PCDHGB1: variants seen among roughly 807,000 people sequenced by gnomAD.
The protein encoded by PCDHGB1 is protocadherin gamma-B1.
Under a neutral mutation model 56.6 loss-of-function variants are expected in PCDHGB1, and 34 were observed. The ratio of observed to expected loss-of-function variants is 0.60; its 90% confidence interval spans 0.46 to 0.80. The LOEUF (loss-of-function observed/expected upper bound fraction) is 0.80. Among genes scored for constraint, PCDHGB1 ranks in the 30% least tolerant of loss-of-function variants. PCDHGB1 has a pLI of 0.00. For synonymous variants in PCDHGB1, 561 were observed against 505.9 expected (o/e 1.11, Z -1.46); for missense variants, 1,278 against 1,204.6 (o/e 1.06, Z -0.90).
At chr5:141,368,374 T>TACACACATACAC (rs1250465847) in intron 1 of PCDHGB1, among the ~76,000 whole-genome samples, 1 of 152,022 alleles carries the variant, frequency 6.6e-6, no homozygotes, top group African/African-American at 2.4e-5. Context: ...CACATATATA[T>TACACACATACAC]ACACACATAC....
Position 141,432,253 on chromosome 5 carries a change from G to A in PCDHGB1, c.2410-62554G>A, listed in dbSNP as rs1193159615. ...CCCTGGCTGAGAACACCATCCAAGGGGCAAGCCTATCGTCCTACGTGTCCA... is the reference window on the plus strand; with the variant it reads ...CCCTGGCTGAGAACACCATCCAAGGAGCAAGCCTATCGTCCTACGTGTCCA... On this transcript the variant is annotated intron_variant, in intron 1 of 3. Coordinates refer to ENST00000523390, the MANE Select transcript of PCDHGB1 (RefSeq NM_018922.3). The surrounding 1 kb of genome is among the most constrained non-coding windows in gnomAD (Gnocchi z 6.0). 2.5e-6 allele frequency: 4 copies of A among 1,614,086 alleles called. No individual in the cohort carries two copies. Among genetic ancestry groups the A allele is most frequent in the Non-Finnish European group, 3.4e-6 (4 of 1,180,046 alleles).
At chr5:141,402,120 T>C (rs17097267) in intron 1 of PCDHGB1, among the ~76,000 whole-genome samples, 16,890 of 152,168 alleles carry the variant, frequency 0.11, 1,101 homozygotes, top group African/African-American at 0.17. Context: ...TGTGAAAATT[T>C]CCAACTTTAA....
chr5:141,367,060 T>C lies in PCDHGB1; in HGVS notation c.2409+14391T>C, dbSNP rs1764930481. 3 of 310,714 alleles carry C rather than the reference T, an allele frequency of 9.7e-6. No individual in the cohort carries two copies. In the Admixed American group the frequency reaches 1.4e-4, roughly 15 times the overall value. 19.2% of individuals were successfully genotyped at this position (310,714 alleles called of 1,614,324 possible). On this transcript the variant is annotated intron_variant, in intron 1 of 3. Coordinates refer to ENST00000523390, the MANE Select transcript of PCDHGB1 (RefSeq NM_018922.3). ...TTCTATTAATAGAAAAGATGTTTTA[T>C]TTATTCAAATTGTTAGATATATTGT...
Position 141,472,217 on chromosome 5 carries a change from C to T in PCDHGB1, c.2410-22590C>T, listed in dbSNP as rs181908144. On this transcript the variant is annotated intron_variant, in intron 1 of 3. Transcript: ENST00000523390. ...CTTTTTGACACTAAGACCTTACTCTCGATCATATAATACATTCACTTTCTA... is the reference window on the plus strand; with the variant it reads ...CTTTTTGACACTAAGACCTTACTCTTGATCATATAATACATTCACTTTCTA... Among the ~76,000 whole-genome samples the T allele has an allele frequency of 3.1e-4, 47 of 152,234 alleles. 1 individual carries two copies. The highest frequency in any genetic ancestry group is 1.1e-3 in the African/African-American group (44 of 41,538).
intron 1 of PCDHGB1, among the ~76,000 whole-genome samples, chr5:141,449,061 A>G (rs1280366583): frequency 1.3e-5 from 2 of 152,190 alleles, no homozygotes; most frequent in Non-Finnish European, 2.9e-5. Context: ...AATGAGCGCT[A>G]TTGAATAGCC....
chr5:141,395,101 C>A (rs1197761808), intron 1 of PCDHGB1: 2 of 1,614,164 alleles, frequency 1.2e-6, no homozygotes, highest in East Asian at 4.5e-5. Context: ...ACCGCCGACT[C>A]GCGGAAGAGT....
intron 3 of PCDHGB1, chr5:141,507,213 G>C (rs1016967764): frequency 6.6e-6 from 1 of 152,558 alleles, no homozygotes; most frequent in African/African-American, 2.4e-5. Context: ...AGGGTTGCCA[G>C]ATAAAATACA....
Position 141,376,287 on chromosome 5 carries a change from T to C in PCDHGB1, c.2409+23618T>C, listed in dbSNP as rs1160372923. 6.2e-6 allele frequency: 10 copies of C among 1,614,110 alleles called. No individual in the cohort carries two copies. In the Admixed American group the frequency reaches 6.7e-5, roughly 11 times the overall value. On this transcript the variant is annotated intron_variant, in intron 1 of 3. Transcript: ENST00000523390. ...GCTTCGGGAGGTGGCTTAGCGAGCA[T>C]GCCCGGCTCGCACTTTGTGGGCGTG...
Position 141,423,275 on chromosome 5 carries a change from C to T in PCDHGB1, c.2409+70606C>T. 1.2e-6 allele frequency: 2 copies of T among 1,614,012 alleles called. No homozygotes were observed. The highest frequency in any genetic ancestry group is 1.7e-6 in the Non-Finnish European group (2 of 1,179,970). ...GACCTCGGCAGCCTCGAGTCTCTGGCTAACTCTGAAACCTCAGACCTCTCG... is the reference window on the plus strand; with the variant it reads ...GACCTCGGCAGCCTCGAGTCTCTGGTTAACTCTGAAACCTCAGACCTCTCG... On this transcript the variant is annotated intron_variant, in intron 1 of 3. Transcript: ENST00000523390.
rs779317191 is a variant in PCDHGB1, at chr5:141,432,553, C to G, written c.2410-62254C>G. The G allele has an allele frequency of 2.6e-5, 42 of 1,613,748 alleles. No individual in the cohort carries two copies. The highest frequency in any genetic ancestry group is 2.0e-4 in the South Asian group (18 of 91,068). The stretch of plus-strand genomic sequence containing the variant: ...AGGTGGTGGCGGTGGACAGAGACTC[C>G]GGCCAGAACGCCTGGCTGTCCTACC... On this transcript the variant is annotated intron_variant, in intron 1 of 3. Coordinates refer to ENST00000523390, the MANE Select transcript of PCDHGB1 (RefSeq NM_018922.3). The surrounding 1 kb of genome is among the most constrained non-coding windows in gnomAD (Gnocchi z 6.0).
chr5:141,352,541 T>A lies in PCDHGB1; in HGVS notation c.2281T>A (p.Phe761Ile). The A allele has an allele frequency of 6.2e-7, 1 of 1,613,748 alleles. No homozygotes were observed. The highest frequency in any genetic ancestry group is 8.5e-7 in the Non-Finnish European group (1 of 1,179,836). ...CIASHSAKTEFNSLNLTPEMA... is the reference protein window; with the variant it reads ...CIASHSAKTEINSLNLTPEMA... ...TGCCTCTCATTCTGCAAAGACAGAG[T>A]TTAATTCTCTCAACCTGACACCGGA... Residue 761 changes from phenylalanine to isoleucine, a missense_variant, in exon 1 of 4, where the codon TTT (phenylalanine) becomes ATT (isoleucine). Phe to Ile is a conservative substitution (Grantham distance 21, BLOSUM62 0). Coordinates refer to ENST00000523390, the MANE Select transcript of PCDHGB1 (RefSeq NM_018922.3).
intron 1 of PCDHGB1, among the ~76,000 whole-genome samples, chr5:141,481,950 T>C (rs1378337886): frequency 2.7e-5 from 4 of 146,216 alleles, no homozygotes; most frequent in Admixed American, 1.4e-4. Flanking sequence ...CCAGATGTGG[T>C]GGCAGGTGCC....
intron 1 of PCDHGB1, chr5:141,396,465 C>T (rs1471669939): frequency 6.6e-6 from 1 of 152,072 alleles, no homozygotes; most frequent in African/African-American, 2.4e-5. Flanking sequence ...CTAAAAACTA[C>T]AAAAATTAGC....
At chr5:141,466,180 A>AT (rs922532578) in intron 1 of PCDHGB1, among the ~76,000 whole-genome samples, 11 of 151,256 alleles carry the variant, frequency 7.3e-5, no homozygotes, top group South Asian at 2.1e-4. Context: ...TTTTATTTTT[A>AT]TTTTTTTTCA....
At chr5:141,376,603 G>A (rs1772884003) in intron 1 of PCDHGB1, 1 of 1,516,632 alleles carries the variant, frequency 6.6e-7, no homozygotes, top group East Asian at 2.3e-5. Context: ...TGTTATAGAA[G>A]CGAACCTCTT....
At chr5:141,460,787 C>T (rs1177595415) in intron 1 of PCDHGB1, among the ~76,000 whole-genome samples, 1 of 151,504 alleles carries the variant, frequency 6.6e-6, no homozygotes, top group Non-Finnish European at 1.5e-5. Context: ...TACATATATA[C>T]ACACAAAGTA....
intron 1 of PCDHGB1, chr5:141,355,755 G>T (rs761483033): frequency 6.2e-7 from 1 of 1,613,924 alleles, no homozygotes; most frequent in African/African-American, 1.3e-5. Flanking sequence ...TGCAAAGTGG[G>T]GCCGATGGGA....
At chr5:141,444,659 C>G (rs2098443878) in intron 1 of PCDHGB1, among the ~76,000 whole-genome samples, 1 of 152,032 alleles carries the variant, frequency 6.6e-6, no homozygotes, top group African/African-American at 2.4e-5. Context: ...GAAGTTATTT[C>G]CCATTTTTTT....
intron 1 of PCDHGB1, among the ~76,000 whole-genome samples, chr5:141,396,908 C>G (rs987572785): frequency 1.3e-5 from 2 of 152,146 alleles, no homozygotes; most frequent in Admixed American, 6.5e-5. Context: ...TGGCACTTTG[C>G]AATTTTAAAA....
Sources: allele counts gnomAD v4.1 joint callset (sites outside exome capture counted in the v4.1 genomes callset), GRCh38; gene constraint gnomAD v4.1.1; non-coding constraint Gnocchi (gnomAD v3.1); transcripts MANE v1.5; gene names NCBI Gene and HGNC (gene_info 2026-07-23, HGNC 2026-07-21).